The following WWOX variants were observed in gnomAD, a reference collection of about 807,000 sequenced individuals.
The protein encoded by WWOX is WW domain-containing oxidoreductase.
Under a neutral mutation model 46.2 loss-of-function variants are expected in WWOX, and 69 were observed. That is an observed-to-expected ratio of 1.49 (90% CI 1.23 to 1.82). WWOX has a LOEUF of 1.82. WWOX is among the 40% of genes most tolerant of loss of function. The probability of loss-of-function intolerance (pLI) is 0.00; values close to 1 mark genes in which losing one functional copy is unlikely to be tolerated. For synonymous variants in WWOX, 359 were observed against 202.6 expected (o/e 1.77, Z -6.56); for missense variants, 919 against 542.6 (o/e 1.69, Z -6.89).
intron 8 of WWOX, among the ~76,000 whole-genome samples, chr16:79,113,047 G>C (rs1049240814): frequency 6.6e-6 from 1 of 152,198 alleles, no homozygotes; most frequent in Non-Finnish European, 1.5e-5. Flanking sequence ...AAGAACAATG[G>C]TGAACGGCAC....
At chr16:79,063,328 G>T (rs539341936) in intron 8 of WWOX, among the ~76,000 whole-genome samples, 1 of 152,082 alleles carries the variant, frequency 6.6e-6, no homozygotes, top group Non-Finnish European at 1.5e-5. Context: ...TTTTTGTTCC[G>T]AAATCGGAAT....
At chr16:78,379,404 T>C (rs1286181274) in intron 5 of WWOX, among the ~76,000 whole-genome samples, 1 of 152,136 alleles carries the variant, frequency 6.6e-6, no homozygotes, top group Non-Finnish European at 1.5e-5. Flanking sequence ...CCAGATACAA[T>C]GGAGGCCACG....
chr16:78,296,226 G>T (rs556115165), intron 5 of WWOX, among the ~76,000 whole-genome samples: 28 of 151,578 alleles, frequency 1.8e-4, no homozygotes, highest in Non-Finnish European at 3.7e-4. Flanking sequence ...GTATTGTTTG[G>T]TGCTTTCTAT....
chr16:78,889,604 C>T (rs989150476), intron 8 of WWOX, among the ~76,000 whole-genome samples: 1 of 152,102 alleles, frequency 6.6e-6, no homozygotes, highest in Non-Finnish European at 1.5e-5. Context: ...AAGTACTAAG[C>T]GTGCCCAGGG....
At chr16:78,700,068 C>A (rs1042404416) in intron 8 of WWOX, among the ~76,000 whole-genome samples, 1 of 151,994 alleles carries the variant, frequency 6.6e-6, no homozygotes, top group Non-Finnish European at 1.5e-5. Flanking sequence ...CTGGCTACAC[C>A]CTCAGTAAGA....
At chr16:78,992,975 C>T (rs915760473) in intron 8 of WWOX, among the ~76,000 whole-genome samples, 9 of 151,750 alleles carry the variant, frequency 5.9e-5, no homozygotes, top group African/African-American at 2.2e-4. Flanking sequence ...TATTCAGTGA[C>T]TTCCTCCCTC....
chr16:78,943,755 G>C (rs992275045), intron 8 of WWOX, among the ~76,000 whole-genome samples: 1 of 152,130 alleles, frequency 6.6e-6, no homozygotes, highest in Non-Finnish European at 1.5e-5. Flanking sequence ...TAAGCTTCCT[G>C]CAACTCCTTC....
At chr16:79,092,076 G>A (rs575133568) in intron 8 of WWOX, among the ~76,000 whole-genome samples, 39 of 151,900 alleles carry the variant, frequency 2.6e-4, no homozygotes, top group Non-Finnish European at 4.3e-4. Flanking sequence ...CCACCGCACC[G>A]GGCCTCACGT....
intron 8 of WWOX, among the ~76,000 whole-genome samples, chr16:78,561,520 A>G (rs968742155): frequency 2.0e-5 from 3 of 152,160 alleles, no homozygotes; most frequent in South Asian, 2.1e-4. Flanking sequence ...GGAAGAATGC[A>G]TGCGTACACC....
intron 8 of WWOX, among the ~76,000 whole-genome samples, chr16:78,439,536 C>A (rs1045239112): frequency 6.6e-6 from 1 of 152,102 alleles, no homozygotes; most frequent in Non-Finnish European, 1.5e-5. Flanking sequence ...AGTCCAGTGA[C>A]CAATGGATGT....
intron 8 of WWOX, among the ~76,000 whole-genome samples, chr16:78,696,450 C>T (rs950752891): frequency 2.6e-5 from 4 of 152,026 alleles, no homozygotes; most frequent in Non-Finnish European, 5.9e-5. Flanking sequence ...CAGTAGAAAC[C>T]GAACTTTACA....
intron 8 of WWOX, among the ~76,000 whole-genome samples, chr16:78,878,547 A>G (rs566423517): frequency 5.3e-5 from 8 of 152,318 alleles, no homozygotes; most frequent in Non-Finnish European, 1.2e-4. Context: ...CACTTAATAA[A>G]TGTTAACTAT....
intron 4 of WWOX, among the ~76,000 whole-genome samples, chr16:78,130,452 G>T (rs1249243806): frequency 6.6e-6 from 1 of 152,164 alleles, no homozygotes; most frequent in African/African-American, 2.4e-5. Context: ...CTGTGTTAAA[G>T]AAATGTCTGC....
intron 8 of WWOX, among the ~76,000 whole-genome samples, chr16:79,106,347 T>G (rs967700963): frequency 1.3e-5 from 2 of 152,218 alleles, no homozygotes; most frequent in African/African-American, 4.8e-5. Context: ...TGAAAGAATC[T>G]TTGGCATTCA....
intron 8 of WWOX, among the ~76,000 whole-genome samples, chr16:78,500,447 C>T (rs750716950): frequency 8.0e-5 from 12 of 150,568 alleles, no homozygotes; most frequent in African/African-American, 1.5e-4. Flanking sequence ...ATCTTTGTTC[C>T]GCTTTTGTTT....
intron 5 of WWOX, among the ~76,000 whole-genome samples, chr16:78,251,383 T>G (rs912033763): frequency 5.3e-5 from 8 of 152,198 alleles, no homozygotes; most frequent in African/African-American, 1.9e-4. Flanking sequence ...CTTTGGTTAA[T>G]TTGGTGCCCT....
chr16:78,297,155 C>A lies in WWOX; in HGVS notation c.517-89705C>A, dbSNP rs1266027411. 2.6e-5 allele frequency among the ~76,000 whole-genome samples: 4 copies of A among 152,088 alleles called. No homozygotes were observed. In the East Asian group the frequency reaches 5.8e-4, roughly 22 times the overall value. ...TTGGTATCCTGGGGAGTCATTGACA[C>A]CCACACACTCCTAGTCACAAGACCT... On this transcript the variant is annotated intron_variant, in intron 5 of 8. Transcript: ENST00000566780.
At chr16:79,150,376 G>A (rs2050255792) in intron 8 of WWOX, among the ~76,000 whole-genome samples, 1 of 152,184 alleles carries the variant, frequency 6.6e-6, no homozygotes, top group African/African-American at 2.4e-5. Context: ...TAATTATATA[G>A]CATAGCATAG....
chr16:78,963,838 A>T (rs34989694), intron 8 of WWOX, among the ~76,000 whole-genome samples: 2 of 152,158 alleles, frequency 1.3e-5, no homozygotes, highest in South Asian at 4.1e-4. Flanking sequence ...ATCTCCCAGA[A>T]TTCCCACGTG....
Sources: gnomAD v4.1 joint callset for allele counts (sites outside exome capture counted in the v4.1 genomes callset) on GRCh38, gnomAD v4.1.1 for gene constraint, MANE v1.5 for transcripts, NCBI Gene and HGNC (gene_info 2026-07-23, HGNC 2026-07-21) for gene names.